Variants in MPP2 observed in about 807,000 individuals in gnomAD.
MPP2 encodes the protein MAGUK p55 subfamily member 2.
Under a neutral mutation model 58.5 loss-of-function variants are expected in MPP2, and 42 were observed. That is an observed-to-expected ratio of 0.72 (90% CI 0.56 to 0.93). The LOEUF (loss-of-function observed/expected upper bound fraction) is 0.93. MPP2 is among the 40% of genes least tolerant of loss of function. The pLI, the probability that MPP2 is intolerant of heterozygous loss-of-function variation, is 0.00. For synonymous variants in MPP2, 300 were observed against 307.8 expected (o/e 0.97, Z 0.26); for missense variants, 632 against 760.4 (o/e 0.83, Z 1.99).
intron 1 of MPP2, chr17:43,907,271 G>A: frequency 2.0e-6 from 2 of 985,582 alleles, no homozygotes; most frequent in Non-Finnish European, 2.4e-6. Context: ...AGTGTCAATG[G>A]GCAGCGGGGC....
Position 43,877,444 on chromosome 17 carries a change from TGGCAGGGGGCAGTGTG to T in MPP2, c.*347_*362del, listed in dbSNP as rs901417685. 9 of 187,886 alleles carry T rather than the reference TGGCAGGGGGCAGTGTG, an allele frequency of 4.8e-5. No homozygotes were observed. Among genetic ancestry groups the T allele is most frequent in the African/African-American group, 2.1e-4 (9 of 43,354 alleles). The allele number at this position is 187,886 out of a possible 1,614,324, so 11.6% of individuals were successfully genotyped here. On this transcript the variant is annotated 3_prime_UTR_variant, in exon 13 of 13. Coordinates refer to ENST00000269095, the MANE Select transcript of MPP2 (RefSeq NM_005374.5). ...AGGAGAACTGGTGACTGGGGAGGGG[TGGCAGGGGGCAGTGTG>T]CCTACTGACCATGTGGTCCCAAAGC...
rs780044204 is a variant in MPP2 at position 43,879,817 on chromosome 17, C to A, written c.1318G>T (p.Ala440Ser). The change falls in exon 11 of 13, where the codon GCT becomes TCT. Residue 440 changes from alanine (A) to serine (S), a missense_variant. Transcript: ENST00000269095. The surrounding 1 kb of genome is among the most constrained non-coding windows in gnomAD (Gnocchi z 4.1). ...RIDSIRGVVA[A>S]GKVCVLDVNP... ...ACATCCAGCACGCACACCTTCCCAG[C>A]AGCGACCACGCCCCGGATGGAGTCA... is the stretch of plus-strand genomic sequence containing the variant. 6.2e-7 allele frequency: 1 copy of A among 1,613,874 alleles called. No individual in the cohort carries two copies. Among genetic ancestry groups the A allele is most frequent in the Non-Finnish European group, 8.5e-7 (1 of 1,179,906 alleles).
intron 3 of MPP2, among the ~76,000 whole-genome samples, chr17:43,889,438 C>T (rs550960148): frequency 4.0e-5 from 6 of 151,152 alleles, no homozygotes; most frequent in African/African-American, 1.5e-4. Context: ...TCTCGGCTCA[C>T]TGCAACCTAC....
At chr17:43,909,229 G>C (rs898920758), upstream of MPP2, among the ~76,000 whole-genome samples, 20 of 151,996 alleles carry the variant, frequency 1.3e-4, no homozygotes, top group African/African-American at 3.9e-4. Flanking sequence ...ACCATGCCTG[G>C]CTAATTTTGT....
In MPP2 at chr17:43,879,490, G is replaced by T. The variant is rs1597750390; in HGVS notation, c.1354-87C>A. ...AGGCTGTGAGGGTAACTGGGGTTGG[G>T]GTGAGCACTTGGGAGTGGATGAGAA... On this transcript the variant is annotated intron_variant, in intron 11 of 12. Transcript: ENST00000269095. The surrounding 1 kb of genome is among the most constrained non-coding windows in gnomAD (Gnocchi z 4.1). 3.2e-6 allele frequency: 5 copies of T among 1,552,966 alleles called. No homozygotes were observed. In the East Asian group the frequency reaches 1.1e-4, roughly 35 times the overall value.
rs948844313 is a variant in MPP2, at chr17:43,876,456, A to AG, written c.*1350dup. On this transcript the variant is annotated 3_prime_UTR_variant, in exon 13 of 13. Coordinates refer to ENST00000269095, the MANE Select transcript of MPP2 (RefSeq NM_005374.5). ...AAAACTGCCCTCCCCAAGTTATGGCAGGGGGGCATTTAGGGTAGGGGGACA... is the reference window on the plus strand; with the variant it reads ...AAAACTGCCCTCCCCAAGTTATGGCAGGGGGGGCATTTAGGGTAGGGGGACA... 1 of 152,340 alleles carries AG rather than the reference A, an allele frequency of 6.6e-6. No homozygotes were observed. The highest frequency in any genetic ancestry group is 1.5e-5 in the Non-Finnish European group (1 of 68,060). 9.4% of individuals were successfully genotyped at this position (152,340 alleles called of 1,614,324 possible).
chr17:43,891,529 C>A (rs1188309095), intron 3 of MPP2, among the ~76,000 whole-genome samples: 6 of 149,952 alleles, frequency 4.0e-5, no homozygotes, highest in Admixed American at 3.3e-4. Context: ...AAAAAAAAAA[C>A]TTACACTTCC....
At chr17:43,887,456 G>C (rs963181975) in intron 3 of MPP2, among the ~76,000 whole-genome samples, 2 of 151,234 alleles carry the variant, frequency 1.3e-5, no homozygotes, top group Non-Finnish European at 3.0e-5. Context: ...ATAGTTTTTT[G>C]TTTTTTTGTT....
chr17:43,880,776 C>G lies in MPP2; in HGVS notation c.1065G>C (p.Leu355=). 1 of 1,614,084 alleles carries G rather than the reference C, an allele frequency of 6.2e-7. No individual in the cohort carries two copies. The highest frequency in any genetic ancestry group is 1.1e-5 in the South Asian group (1 of 91,058). ...MPPFRRKTLV[L]IGAQGVGRRS... The stretch of plus-strand genomic sequence containing the variant: ...GCCGTCCCACGCCCTGAGCCCCAAT[C>G]AGTACCAGGGTTTTCCGGCGGAACG... The change falls in exon 10 of 13, where the codon CTG becomes CTC. Residue 355 remains leucine (L), a synonymous_variant. Transcript: ENST00000269095. This position sits in a 1 kb window ranked among gnomAD's most constrained non-coding sequence, Gnocchi z 5.2.
At position 43,877,796 on chromosome 17, in the gene MPP2, G is replaced by A. The variant is rs767092992; in HGVS notation, c.*11C>T. 5 of 1,609,876 alleles carry A rather than the reference G, an allele frequency of 3.1e-6. No individual in the cohort carries two copies. Among genetic ancestry groups the A allele is most frequent in the Non-Finnish European group, 4.2e-6 (5 of 1,176,620 alleles). ...TCAACACAGAGTGAGCCAAAGACCA[G>A]GTGAACAGGCTCAGTACACCCAGCT... On this transcript the variant is annotated 3_prime_UTR_variant, in exon 13 of 13. Transcript: ENST00000269095.
chr17:43,882,299 G>A lies in MPP2; in HGVS notation c.666C>T (p.Pro222=), dbSNP rs1189836454. ...AGGGGCCCACCTGGCGGGGCAGATGGGGCTCCTGGTAGCTGGGCAGGATCT... is the reference window on the plus strand; with the variant it reads ...AGGGGCCCACCTGGCGGGGCAGATGAGGCTCCTGGTAGCTGGGCAGGATCT... ...ILKILPSYQE[P]HLPRQVFVKC... Residue 222 remains proline (P), a synonymous_variant, in exon 6 of 13, where the codon CCC becomes CCT. Coordinates refer to ENST00000269095, the MANE Select transcript of MPP2 (RefSeq NM_005374.5). The A allele has an allele frequency of 6.2e-7, 1 of 1,610,880 alleles. No homozygotes were observed. Among genetic ancestry groups the A allele is most frequent in the Non-Finnish European group, 8.5e-7 (1 of 1,179,570 alleles).
At chr17:43,894,763 G>A (rs902668807) in intron 3 of MPP2, among the ~76,000 whole-genome samples, 1 of 151,346 alleles carries the variant, frequency 6.6e-6, no homozygotes, top group Non-Finnish European at 1.5e-5. Context: ...GCAAGACCCT[G>A]CCTCTACAAA....
chr17:43,906,432 T>C (rs968823794), intron 1 of MPP2, among the ~76,000 whole-genome samples: 3 of 152,148 alleles, frequency 2.0e-5, no homozygotes, highest in African/African-American at 7.2e-5. Context: ...TGGGCCCAGA[T>C]GCCCTCTCAG....
At position 43,882,358 on chromosome 17, in the gene MPP2, G is replaced by A. The variant is rs1261347800; in HGVS notation, c.607C>T (p.Leu203Phe). Residue 203 changes from leucine to phenylalanine, a missense_variant, in exon 6 of 13, where the codon CTC (leucine) becomes TTC (phenylalanine). Leu to Phe is a conservative substitution (Grantham distance 22). Transcript: ENST00000269095. Reference sequence around the variant, plus strand: ...ACACTGCCACTGGCATTGCGCAGGAGCTCCTGCAGTGCGCGGGGGTCACTG... The same window carrying A: ...ACACTGCCACTGGCATTGCGCAGGAACTCCTGCAGTGCGCGGGGGTCACTG... ...VGSDPRALQE[L>F]LRNASGSVIL... is the part of the protein sequence containing the mutation. 6.2e-7 allele frequency: 1 copy of A among 1,612,426 alleles called. No individual in the cohort carries two copies. Among genetic ancestry groups the A allele is most frequent in the African/African-American group, 1.3e-5 (1 of 75,044 alleles).
At chr17:43,885,759 A>C (rs1490270845) in intron 3 of MPP2, among the ~76,000 whole-genome samples, 1 of 152,210 alleles carries the variant, frequency 6.6e-6, no homozygotes, top group Non-Finnish European at 1.5e-5. Flanking sequence ...GGGATAAAAG[A>C]CTACACACTG....
chr17:43,887,493 T>C (rs575447555), intron 3 of MPP2, among the ~76,000 whole-genome samples: 11 of 152,270 alleles, frequency 7.2e-5, no homozygotes, highest in Admixed American at 2.0e-4. Context: ...GCTTTTCCCA[T>C]ATACAGAGCC....
intron 3 of MPP2, among the ~76,000 whole-genome samples, chr17:43,889,938 G>A (rs542766885): frequency 1.3e-3 from 202 of 149,736 alleles, no homozygotes; most frequent in African/African-American, 4.6e-3. Flanking sequence ...TCAGCCTCCC[G>A]AGTAGCTGGG....
chr17:43,889,550 G>A (rs972085103), intron 3 of MPP2, among the ~76,000 whole-genome samples: 16 of 151,418 alleles, frequency 1.1e-4, no homozygotes, highest in Admixed American at 2.6e-4. Context: ...TAGTAGAGAC[G>A]GGGTTTCTCC....
In MPP2 at chr17:43,879,512, A is replaced by G; in HGVS notation, c.1354-109T>C. 1 of 1,406,772 alleles carries G rather than the reference A, an allele frequency of 7.1e-7. No homozygotes were observed. The highest frequency in any genetic ancestry group is 1.8e-5 in the Admixed American group (1 of 54,184). 87.1% of individuals were successfully genotyped at this position (1,406,772 alleles called of 1,614,324 possible). A position where few individuals can be genotyped will look rare whatever the true frequency, so the allele number is the denominator to read the frequency against. Reference sequence around the variant, plus strand: ...TGGGGTGAGCACTTGGGAGTGGATGAGAAAAGGGTGCCCGGGGGTCTGGGA... The same window carrying G: ...TGGGGTGAGCACTTGGGAGTGGATGGGAAAAGGGTGCCCGGGGGTCTGGGA... On this transcript the variant is annotated intron_variant, in intron 11 of 12. Coordinates refer to ENST00000269095, the MANE Select transcript of MPP2 (RefSeq NM_005374.5). The surrounding 1 kb of genome is among the most constrained non-coding windows in gnomAD (Gnocchi z 4.1).
Sources: gnomAD v4.1 joint callset for allele counts (sites outside exome capture counted in the v4.1 genomes callset) on GRCh38, gnomAD v4.1.1 for gene constraint, Gnocchi (gnomAD v3.1) non-coding constraint, MANE v1.5 for transcripts, NCBI Gene and HGNC (gene_info 2026-07-23, HGNC 2026-07-21) for gene names.